CORO2A: variants seen among roughly 807,000 people sequenced by gnomAD.
The protein encoded by CORO2A is coronin 2A, also known as coronin-2A.
CORO2A carries 47 observed loss-of-function variants against 62.4 expected under a neutral mutation model. The observed-to-expected ratio is 0.75, with a 90% CI of 0.60 to 0.96. CORO2A has a LOEUF of 0.96. CORO2A is among the 40% of genes least tolerant of loss of function. The pLI is 0.00. For synonymous variants in CORO2A, 273 were observed against 268.9 expected (o/e 1.02, Z -0.15); for missense variants, 610 against 684.1 (o/e 0.89, Z 1.21).
intron 1 of CORO2A, among the ~76,000 whole-genome samples, chr9:98,180,650 C>T (rs1439616016): frequency 6.6e-6 from 1 of 152,140 alleles, no homozygotes; most frequent in African/African-American, 2.4e-5. Flanking sequence ...GGTGAAAATG[C>T]TCCACCTGCT....
chr9:98,174,144 A>C (rs567875084), intron 1 of CORO2A, among the ~76,000 whole-genome samples: 2 of 151,220 alleles, frequency 1.3e-5, no homozygotes, highest in African/African-American at 2.4e-5. Context: ...AAAAACAAAA[A>C]AAAAAAACCA....
At chr9:98,165,883 G>T (rs577219857) in intron 1 of CORO2A, among the ~76,000 whole-genome samples, 1 of 152,302 alleles carries the variant, frequency 6.6e-6, no homozygotes, top group Admixed American at 6.5e-5. Context: ...TATTCTGGGG[G>T]TGGGGCTCAC....
intron 1 of CORO2A, among the ~76,000 whole-genome samples, chr9:98,161,625 CCT>C (rs1174934989): frequency 6.6e-6 from 1 of 151,996 alleles, no homozygotes; most frequent in African/African-American, 2.4e-5. Context: ...TTCAGGTTTT[CCT>C]CTGATTCCTG....
chr9:98,162,708 T>C (rs1293820603), intron 1 of CORO2A, among the ~76,000 whole-genome samples: 2 of 152,242 alleles, frequency 1.3e-5, no homozygotes, highest in East Asian at 3.8e-4. Flanking sequence ...TGTGTCGTTT[T>C]GTGGGTGTGC....
chr9:98,134,277 A>G (rs1481096218), intron 4 of CORO2A, among the ~76,000 whole-genome samples: 1 of 152,186 alleles, frequency 6.6e-6, no homozygotes, highest in Admixed American at 6.5e-5. Flanking sequence ...GTGGGTCCCA[A>G]TCTACAGGGC....
At chr9:98,169,380 C>T (rs1396877479) in intron 1 of CORO2A, among the ~76,000 whole-genome samples, 1 of 152,082 alleles carries the variant, frequency 6.6e-6, no homozygotes, top group African/African-American at 2.4e-5. Context: ...CGTCCCTGGG[C>T]GGGCCACCTC....
At chr9:98,161,696 G>A (rs1013362154) in intron 1 of CORO2A, among the ~76,000 whole-genome samples, 14 of 152,174 alleles carry the variant, frequency 9.2e-5, no homozygotes, top group Non-Finnish European at 1.8e-4. Flanking sequence ...GAGTAGGGCA[G>A]TGAAGTGGAC....
At chr9:98,181,907 C>G (rs1828182319) in intron 1 of CORO2A, among the ~76,000 whole-genome samples, 1 of 152,174 alleles carries the variant, frequency 6.6e-6, no homozygotes, top group African/African-American at 2.4e-5. Flanking sequence ...GCTGTGTGAC[C>G]TCAGACAAGT....
chr9:98,170,999 TTC>T (rs1363310874), intron 1 of CORO2A, among the ~76,000 whole-genome samples: 5 of 152,176 alleles, frequency 3.3e-5, no homozygotes, highest in Non-Finnish European at 7.4e-5. Flanking sequence ...CAGAGCTTCT[TTC>T]TGTTTAATCC....
At chr9:98,147,505 T>G (rs1405603962) in intron 2 of CORO2A, among the ~76,000 whole-genome samples, 1 of 152,196 alleles carries the variant, frequency 6.6e-6, no homozygotes, top group African/African-American at 2.4e-5. Context: ...TTTTCCATAA[T>G]TATGAACCTG....
At chr9:98,184,237 T>A (rs576844124) in intron 1 of CORO2A, among the ~76,000 whole-genome samples, 137 of 152,104 alleles carry the variant, frequency 9.0e-4, no homozygotes, top group South Asian at 3.7e-3. Context: ...ATTTTATTTT[T>A]TTTTTTAATA....
Position 98,137,701 on chromosome 9 carries a change from G to T in CORO2A, c.202-13C>A. 1 of 1,600,252 alleles carries T rather than the reference G, an allele frequency of 6.2e-7. No homozygotes were observed. The highest frequency in any genetic ancestry group is 8.6e-7 in the Non-Finnish European group (1 of 1,167,228). On this transcript the variant is annotated splice_polypyrimidine_tract_variant and intron_variant, in intron 2 of 11. Transcript: ENST00000375077. ...CCAACTTCCCTGTCTGCAAGACAGT[G>T]CCCAGGAGGGTTGGGGAGGAGGTGG...
intron 2 of CORO2A, among the ~76,000 whole-genome samples, chr9:98,145,309 C>A (rs1224643206): frequency 2.6e-5 from 4 of 152,314 alleles, no homozygotes; most frequent in Non-Finnish European, 5.9e-5. Context: ...GCCCCTGCTT[C>A]CCCTCACTTC....
In CORO2A at chr9:98,157,437, T is replaced by C. The variant is rs776215006; in HGVS notation, c.201+23A>G. The C allele has an allele frequency of 3.1e-6, 5 of 1,612,792 alleles. No homozygotes were observed. The South Asian group carries it at 4.4e-5, about 14-fold the overall frequency. ...GTCCTGCCCTGCCTCCAGAGAGCTG[T>C]TTGGGCCTGGGGGTGTCCTTACCTG... On this transcript the variant is annotated intron_variant, in intron 2 of 11. Transcript: ENST00000375077.
rs1827249603 is a variant in CORO2A, at chr9:98,121,925, T to A, written c.*2849A>T. 6.6e-6 allele frequency: 1 copy of A among 152,194 alleles called. No homozygotes were observed. 9.4% of individuals were successfully genotyped at this position (152,194 alleles called of 1,614,324 possible). The stretch of plus-strand genomic sequence containing the variant: ...TTTCTGGAGCACACTAAGGCAATCT[T>A]GGCTAGTGCATCAGACGGGAGTGAG... On this transcript the variant is annotated 3_prime_UTR_variant, in exon 12 of 12. Transcript: ENST00000375077.
Position 98,145,494 on chromosome 9 carries a change from A to G in CORO2A, c.202-7806T>C, listed in dbSNP as rs73655200. 6.0e-3 allele frequency among the ~76,000 whole-genome samples: 911 copies of G among 152,312 alleles called. 6 individuals are homozygous for G. Among genetic ancestry groups the G allele is most frequent in the African/African-American group, 0.021 (874 of 41,572 alleles). The stretch of plus-strand genomic sequence containing the variant: ...GACTTCCAAAATGCCAGACTAGCCC[A>G]TACCCTGCCTTTCTAGAAGGGCAAT... On this transcript the variant is annotated intron_variant, in intron 2 of 11. Transcript: ENST00000375077.
At chr9:98,191,418 G>A (rs1184442584) in intron 1 of CORO2A, among the ~76,000 whole-genome samples, 1 of 152,226 alleles carries the variant, frequency 6.6e-6, no homozygotes, top group Non-Finnish European at 1.5e-5. Context: ...GGGAGAAACT[G>A]CTGGGCCTGG....
intron 1 of CORO2A, 67 bp from the exon 2 acceptor site, chr9:98,157,727 T>C: frequency 1.4e-6 from 2 of 1,454,618 alleles, no homozygotes; most frequent in Non-Finnish European, 1.9e-6. Flanking sequence ...CACAGAGCTC[T>C]CATCTTAAGA....
intron 3 of CORO2A, among the ~76,000 whole-genome samples, chr9:98,136,316 G>A (rs1027424342): frequency 5.3e-5 from 8 of 152,186 alleles, no homozygotes; most frequent in African/African-American, 1.7e-4. Flanking sequence ...AAATCACCTC[G>A]GCAGACACTG....
Sources: allele counts gnomAD v4.1 joint callset (sites outside exome capture counted in the v4.1 genomes callset), GRCh38; gene constraint gnomAD v4.1.1; transcripts MANE v1.5; gene names NCBI Gene and HGNC (gene_info 2026-07-23, HGNC 2026-07-21).